The following THBS4 variants were observed in gnomAD, a reference collection of about 807,000 sequenced individuals.
THBS4 encodes the protein thrombospondin-4.
Under a neutral mutation model 115.7 loss-of-function variants are expected in THBS4, and 90 were observed. That is an observed-to-expected ratio of 0.78 (90% CI 0.66 to 0.93). The LOEUF (loss-of-function observed/expected upper bound fraction) is 0.93, where lower values mean the gene tolerates loss of function less well. THBS4 is among the 40% of genes least tolerant of loss of function. The probability of loss-of-function intolerance (pLI) is 0.00; values close to 1 mark genes in which losing one functional copy is unlikely to be tolerated. For synonymous variants in THBS4, 460 were observed against 479.3 expected (o/e 0.96, Z 0.53); for missense variants, 1,087 against 1,232.7 (o/e 0.88, Z 1.77).
At chr5:80,004,611 C>T (rs2434307) in intron 2 of THBS4, among the ~76,000 whole-genome samples, 58,197 of 152,062 alleles carry the variant, frequency 0.38, 11,344 homozygotes, top group South Asian at 0.5. Context: ...CACAACTTTT[C>T]GTATTATTTA....
At chr5:80,010,782 C>T (rs1393274634) in intron 2 of THBS4, among the ~76,000 whole-genome samples, 1 of 152,246 alleles carries the variant, frequency 6.6e-6, no homozygotes, top group African/African-American at 2.4e-5. Flanking sequence ...TGAAGCTGAG[C>T]TGGTCCTTCA....
chr5:80,041,329 A>C (rs1429755770), intron 2 of THBS4, among the ~76,000 whole-genome samples: 10 of 152,160 alleles, frequency 6.6e-5, no homozygotes, highest in Admixed American at 6.5e-4. Flanking sequence ...ATCATCTCCC[A>C]AAAGCCCCAC....
chr5:80,034,097 CA>C (rs1366748736), upstream of THBS4, among the ~76,000 whole-genome samples: 6 of 152,204 alleles, frequency 3.9e-5, no homozygotes, highest in African/African-American at 1.2e-4. Flanking sequence ...TAGTTTATCT[CA>C]TTAGTCGATA....
intron 13 of THBS4, chr5:80,072,056 T>C (rs1291688728): frequency 1.9e-6 from 1 of 520,440 alleles, no homozygotes; most frequent in Non-Finnish European, 3.5e-6. Flanking sequence ...CTTGACATCT[T>C]GGACAAATTA....
intron 2 of THBS4, among the ~76,000 whole-genome samples, chr5:80,041,495 CTCCTTA>C (rs1832901029): frequency 6.6e-6 from 1 of 152,156 alleles, no homozygotes; most frequent in African/African-American, 2.4e-5. Context: ...TAGCTCCTAA[CTCCTTA>C]AGCACCTACC....
At chr5:80,023,482 A>T (rs1245193067) in intron 2 of THBS4, among the ~76,000 whole-genome samples, 1 of 152,190 alleles carries the variant, frequency 6.6e-6, no homozygotes, top group Non-Finnish European at 1.5e-5. Context: ...TCCCTAACAG[A>T]GTATGCTCTA....
intron 2 of THBS4, among the ~76,000 whole-genome samples, chr5:80,009,226 C>T (rs1043893783): frequency 5.9e-5 from 9 of 152,142 alleles, no homozygotes; most frequent in African/African-American, 2.4e-5. Flanking sequence ...ATTTGGATAG[C>T]AATAACTGAA....
chr5:80,081,002 G>T lies in THBS4; in HGVS notation c.2684+925G>T, dbSNP rs575231321. Among the ~76,000 whole-genome samples, 16 of 152,248 alleles carry T rather than the reference G, an allele frequency of 1.1e-4. No homozygotes were observed. In the South Asian group the frequency reaches 3.3e-3, roughly 32 times the overall value. ...AGTAGTCTGACTTCTTTCTTTATAG[G>T]ACTTTTTTGTTGTTGTTTTTTAAGT... On this transcript the variant is annotated intron_variant, in intron 20 of 21. Transcript: ENST00000350881.
chr5:80,049,348 CA>C (rs1833178154), intron 2 of THBS4, among the ~76,000 whole-genome samples: 1 of 152,178 alleles, frequency 6.6e-6, no homozygotes, highest in African/African-American at 2.4e-5. Context: ...AGCTCTTGGA[CA>C]GTGCCATAAA....
chr5:80,032,172 T>G (rs1580926201), upstream of THBS4, among the ~76,000 whole-genome samples: 1 of 152,216 alleles, frequency 6.6e-6, no homozygotes, highest in African/African-American at 2.4e-5. Context: ...TATCATATAT[T>G]TCATAGCTAA....
upstream of THBS4, chr5:80,033,058 G>C (rs1310291682): frequency 5.7e-6 from 1 of 175,016 alleles, no homozygotes; most frequent in Non-Finnish European, 1.4e-5. Flanking sequence ...CGTGCGTCTG[G>C]TGTGTCATTG....
At chr5:80,036,115 CT>C in intron 1 of THBS4, 1 of 986,202 alleles carries the variant, frequency 1.0e-6, no homozygotes, top group Non-Finnish European at 1.2e-6. Context: ...TCTGCTCTGA[CT>C]TTGCTTGAAC....
At position 80,056,029 on chromosome 5, in the gene THBS4, A is replaced by T. The variant is rs438042; in HGVS notation, c.537A>T (p.Pro179=). The T allele has an allele frequency of 0.51, 816,524 of 1,593,478 alleles. 210,642 individuals are homozygous for T. Among genetic ancestry groups the T allele is most frequent in the African/African-American group, 0.63 (46,832 of 74,090 alleles). The change falls in exon 3 of 22, where the codon CCA becomes CCT. Residue 179 remains proline (P), a synonymous_variant. Transcript: ENST00000350881. ...AATTGAGGACTTTCCAGAGGAAGCC[A>T]CAGGTAGGAACCCACAAACCATTCT... ...TIELRTFQRK[P]QDFLEELKLV... is the part of the protein sequence containing the mutation.
intron 13 of THBS4, chr5:80,071,971 A>G (rs1434538438): frequency 3.2e-6 from 1 of 316,968 alleles, no homozygotes; most frequent in East Asian, 6.1e-5. Flanking sequence ...TAGCTCAGAT[A>G]CCCACGAGAT....
chr5:80,070,208 C>G, intron 10 of THBS4, 98 bp from the exon 11 acceptor site: 2 of 988,662 alleles, frequency 2.0e-6, no homozygotes, highest in Non-Finnish European at 3.0e-6. Context: ...CTGGGCCCTC[C>G]CCCTGGGATT....
chr5:80,056,002 T>A lies in THBS4; in HGVS notation c.510T>A (p.Ile170=), dbSNP rs370622639. Residue 170 remains isoleucine (I), a synonymous_variant, in exon 3 of 22, where the codon ATT becomes ATA. Coordinates refer to ENST00000350881, the MANE Select transcript of THBS4 (RefSeq NM_003248.6). ...FAGPSQKPET[I]ELRTFQRKPQ... is the part of the protein sequence containing the mutation. ...GCCCCTCCCAGAAACCTGAGACCAT[T>A]GAATTGAGGACTTTCCAGAGGAAGC... 16 of 1,612,262 alleles carry A rather than the reference T, an allele frequency of 9.9e-6. No homozygotes were observed. In the African/African-American group the frequency reaches 2.0e-4, roughly 20 times the overall value.
At chr5:79,992,461 C>T (rs375488651) in intron 1 of THBS4, among the ~76,000 whole-genome samples, 5 of 152,294 alleles carry the variant, frequency 3.3e-5, no homozygotes, top group South Asian at 4.1e-4. Context: ...CATAATCATT[C>T]AAATTACAGT....
At chr5:80,072,077 G>A (rs905622775) in intron 13 of THBS4, 2 of 583,752 alleles carry the variant, frequency 3.4e-6, no homozygotes, top group Non-Finnish European at 6.2e-6. Flanking sequence ...GAATTCAGTC[G>A]ATAAATACCT....
chr5:80,082,981 TAA>T (rs1383225099), intron 21 of THBS4, 97 bp from the exon 22 acceptor site: 1 of 1,063,722 alleles, frequency 9.4e-7, no homozygotes, highest in Non-Finnish European at 1.4e-6. Context: ...CTGGGCGGGC[TAA>T]CAGCGCCCCC....
Sources: gnomAD v4.1 joint callset for allele counts (sites outside exome capture counted in the v4.1 genomes callset) on GRCh38, gnomAD v4.1.1 for gene constraint, MANE v1.5 for transcripts, NCBI Gene and HGNC (gene_info 2026-07-23, HGNC 2026-07-21) for gene names.